The following HIVEP3 variants were observed in gnomAD, a reference collection of about 807,000 sequenced individuals.
HIVEP3 encodes HIVEP zinc finger 3, also known as transcription factor HIVEP3.
HIVEP3 carries 49 observed loss-of-function variants against 152.8 expected under a neutral mutation model. The ratio of observed to expected loss-of-function variants is 0.32; its 90% CI spans 0.26 to 0.41. HIVEP3 has a LOEUF of 0.41. HIVEP3 is among the 10% of genes least tolerant of loss of function. The probability of loss-of-function intolerance (pLI) is 1.00; values close to 1 mark genes in which losing one functional copy is unlikely to be tolerated. For missense variants in HIVEP3, 2,790 were observed against 3,103.3 expected, an observed-to-expected ratio of 0.90 and a Z score of 2.40; for synonymous variants, 1,269 against 1,289.0, an observed-to-expected ratio of 0.98 and a Z score of 0.33.
At position 41,526,462 on chromosome 1, in the gene HIVEP3, ACC is replaced by A. The variant is rs1248608727; in HGVS notation, c.5208-1554_5208-1553del. Among the ~76,000 whole-genome samples, 32 of 87,336 alleles carry A rather than the reference ACC, an allele frequency of 3.7e-4. 1 individual carries two copies. 57.3% of individuals were successfully genotyped at this position (87,336 alleles called of 152,430 possible). A position where few individuals can be genotyped will look rare whatever the true frequency, so the allele number is the denominator to read the frequency against. ...CGCTCACCCTCACACACATGCTCAC[ACC>A]CCCACACTCACCTTCACACTCACCT... is the stretch of plus-strand genomic sequence containing the variant. On this transcript the variant is annotated intron_variant, in intron 5 of 8. Coordinates refer to ENST00000372583, the MANE Select transcript of HIVEP3 (RefSeq NM_024503.5).
At chr1:41,607,718 G>A (rs1197990837) in intron 3 of HIVEP3, among the ~76,000 whole-genome samples, 2 of 152,110 alleles carry the variant, frequency 1.3e-5, no homozygotes, top group African/African-American at 4.8e-5. Flanking sequence ...GTTAGGATAT[G>A]TATTAGGATA....
intron 1 of HIVEP3, among the ~76,000 whole-genome samples, chr1:41,939,608 T>C (rs1267353241): frequency 2.0e-5 from 3 of 152,226 alleles, no homozygotes; most frequent in African/African-American, 7.2e-5. Flanking sequence ...TCCTTCTTTT[T>C]CTAACAGATG....
At chr1:42,004,094 C>T (rs149090870) in intron 1 of HIVEP3, among the ~76,000 whole-genome samples, 11 of 152,166 alleles carry the variant, frequency 7.2e-5, no homozygotes, top group Admixed American at 3.9e-4. Flanking sequence ...CCAGCAAGTC[C>T]GCCTTTGCAA....
intron 1 of HIVEP3, among the ~76,000 whole-genome samples, chr1:41,821,913 G>A (rs1030864192): frequency 2.6e-5 from 4 of 152,220 alleles, no homozygotes; most frequent in African/African-American, 4.8e-5. Context: ...TCCAGCCTAC[G>A]TGGAGTGCTG....
At chr1:41,884,296 T>G (rs1644309359) in intron 1 of HIVEP3, among the ~76,000 whole-genome samples, 1 of 152,162 alleles carries the variant, frequency 6.6e-6, no homozygotes, top group Non-Finnish European at 1.5e-5. Context: ...TGCATTTAGA[T>G]GCAGATACTG....
intron 2 of HIVEP3, among the ~76,000 whole-genome samples, chr1:41,648,019 C>T (rs1446224751): frequency 1.3e-5 from 2 of 152,352 alleles, no homozygotes; most frequent in East Asian, 3.9e-4. Flanking sequence ...GCACCAGGAG[C>T]CCTATCTGGG....
At position 41,722,874 on chromosome 1, in the gene HIVEP3, G is replaced by C. The variant is rs1408714434; in HGVS notation, c.-800-21879C>G. Among the ~76,000 whole-genome samples, 3 of 152,158 alleles carry C rather than the reference G, an allele frequency of 2.0e-5. No individual in the cohort carries two copies. The East Asian group carries it at 5.8e-4, about 29-fold the overall frequency. ...CATGCATGTGCATATGTGTATGTGT[G>C]AGAGAAACAGGAAGAAAGAGAAAGA... On this transcript the variant is annotated intron_variant, in intron 1 of 8. Coordinates refer to ENST00000372583, the MANE Select transcript of HIVEP3 (RefSeq NM_024503.5).
chr1:41,546,713 C>T (rs968497851), intron 5 of HIVEP3, among the ~76,000 whole-genome samples: 1 of 152,212 alleles, frequency 6.6e-6, no homozygotes, highest in Admixed American at 6.5e-5. Context: ...CAGATGACCA[C>T]TCACTCCTTA....
intron 1 of HIVEP3, among the ~76,000 whole-genome samples, chr1:41,893,850 A>AATATGAAAAAATT (rs1644487669): frequency 2.0e-5 from 3 of 147,274 alleles, no homozygotes; most frequent in African/African-American, 7.4e-5. Flanking sequence ...ATTATATATG[A>AATATGAAAAAATT]ATATGAAAAA....
intron 3 of HIVEP3, among the ~76,000 whole-genome samples, chr1:41,601,959 T>C (rs967319063): frequency 2.6e-5 from 4 of 152,226 alleles, no homozygotes; most frequent in African/African-American, 9.6e-5. Context: ...AAAGGGTGTG[T>C]TGAATTTTGT....
chr1:41,572,129 G>A (rs1569954175), intron 5 of HIVEP3, among the ~76,000 whole-genome samples: 1 of 152,210 alleles, frequency 6.6e-6, no homozygotes, highest in Non-Finnish European at 1.5e-5. Context: ...GGAAGTGGAA[G>A]GCTTGGTTTG....
intron 1 of HIVEP3, among the ~76,000 whole-genome samples, chr1:41,711,778 G>T (rs555742576): frequency 6.6e-6 from 1 of 152,154 alleles, no homozygotes; most frequent in Non-Finnish European, 1.5e-5. Flanking sequence ...TGCCCACCAC[G>T]TGGCTGGCAG....
intron 2 of HIVEP3, among the ~76,000 whole-genome samples, chr1:41,692,429 T>C (rs187780654): frequency 2.0e-5 from 3 of 152,352 alleles, no homozygotes; most frequent in East Asian, 1.9e-4. Flanking sequence ...AGAGGAGTTA[T>C]AGCGCCACTG....
intron 1 of HIVEP3, among the ~76,000 whole-genome samples, chr1:41,926,339 A>G (rs1644968214): frequency 6.6e-6 from 1 of 152,132 alleles, no homozygotes; most frequent in South Asian, 2.1e-4. Context: ...TAGCCCTATT[A>G]TGTTTCATAT....
chr1:41,824,766 T>G (rs868354663), intron 1 of HIVEP3, among the ~76,000 whole-genome samples: 5 of 28,458 alleles, frequency 1.8e-4, no homozygotes, highest in Non-Finnish European at 2.3e-4. Context: ...TATATATATA[T>G]ATATATATAT....
chr1:41,784,807 T>G (rs1570532740), intron 1 of HIVEP3, among the ~76,000 whole-genome samples: 1 of 152,224 alleles, frequency 6.6e-6, no homozygotes, highest in East Asian at 1.9e-4. Flanking sequence ...CTTTTGTAAT[T>G]ATTAGCCACA....
At chr1:41,913,917 C>A (rs943071021) in intron 1 of HIVEP3, among the ~76,000 whole-genome samples, 9 of 152,096 alleles carry the variant, frequency 5.9e-5, no homozygotes, top group Non-Finnish European at 1.0e-4. Flanking sequence ...TCCTAAACCC[C>A]AATTCAAGGG....
chr1:42,000,971 A>C (rs914043988), intron 1 of HIVEP3, among the ~76,000 whole-genome samples: 1 of 152,228 alleles, frequency 6.6e-6, no homozygotes, highest in African/African-American at 2.4e-5. Flanking sequence ...AGTGCGTTAC[A>C]TATAGTAATA....
intron 1 of HIVEP3, among the ~76,000 whole-genome samples, chr1:41,992,813 G>A (rs1645371146): frequency 7.1e-6 from 1 of 140,770 alleles, no homozygotes; most frequent in Non-Finnish European, 1.5e-5. Context: ...ATAGATCAAT[G>A]GAACAGAACA....
Sources: gnomAD v4.1 joint callset for allele counts (sites outside exome capture counted in the v4.1 genomes callset) on GRCh38, gnomAD v4.1.1 for gene constraint, MANE v1.5 for transcripts, NCBI Gene and HGNC (gene_info 2026-07-23, HGNC 2026-07-21) for gene names.